Variants in SLC4A1AP observed in about 807,000 individuals in gnomAD.
SLC4A1AP encodes the protein kanadaptin.
Under a neutral mutation model 89.7 loss-of-function variants are expected in SLC4A1AP, and 64 were observed. That is an observed-to-expected ratio of 0.71 (90% CI 0.58 to 0.88). The LOEUF (loss-of-function observed/expected upper bound fraction) is 0.88, where lower values mean the gene tolerates loss of function less well. SLC4A1AP is among the 40% of genes least tolerant of loss of function. The probability of loss-of-function intolerance (pLI) is 0.00; values close to 1 mark genes in which losing one functional copy is unlikely to be tolerated. For synonymous variants in SLC4A1AP, 366 were observed against 353.3 expected (o/e 1.04, Z -0.40); for missense variants, 931 against 965.0 (o/e 0.96, Z 0.47).
chr2:27,693,846 A>G, intron 13 of SLC4A1AP, 92 bp downstream of exon 13: 2 of 958,730 alleles, frequency 2.1e-6, no homozygotes, highest in South Asian at 1.7e-5. Context: ...TAAGAAAGTT[A>G]CAAGAGTATG....
At chr2:27,683,860 C>T (rs908651100) in intron 9 of SLC4A1AP, among the ~76,000 whole-genome samples, 1 of 152,030 alleles carries the variant, frequency 6.6e-6, no homozygotes, top group Admixed American at 6.6e-5. Flanking sequence ...CTCAGCTTCC[C>T]GAGTAGCTGG....
chr2:27,669,174 A>T (rs1421304386), intron 4 of SLC4A1AP, 74 bp from the exon 5 acceptor site: 2 of 1,468,724 alleles, frequency 1.4e-6, no homozygotes, highest in Non-Finnish European at 1.8e-6. Context: ...AATGACTATT[A>T]TCATAGCATA....
At chr2:27,675,792 T>A in intron 6 of SLC4A1AP, 100 bp downstream of exon 6, 1 of 807,868 alleles carries the variant, frequency 1.2e-6, no homozygotes, top group Non-Finnish European at 1.7e-6. Context: ...TTTAAAGTAG[T>A]AGCATTGAAA....
chr2:27,685,294 C>T lies in SLC4A1AP; in HGVS notation c.2116+17C>T, dbSNP rs1315267124. 1.3e-6 allele frequency: 2 copies of T among 1,598,304 alleles called. No homozygotes were observed. On this transcript the variant is annotated intron_variant, in intron 10 of 13. Transcript: ENST00000613058. ...AAACCCATGGTAATATCTTTCTTCTCCTTCCTGTGTTGTTCAGTGGGCAGT... is the reference window on the plus strand; with the variant it reads ...AAACCCATGGTAATATCTTTCTTCTTCTTCCTGTGTTGTTCAGTGGGCAGT...
chr2:27,681,163 C>T (rs568440550), intron 8 of SLC4A1AP, among the ~76,000 whole-genome samples: 1 of 152,294 alleles, frequency 6.6e-6, no homozygotes, highest in South Asian at 2.1e-4. Context: ...TTCTGTCTTT[C>T]TATGCCAGAG....
chr2:27,682,095 T>G (rs1240159046), intron 8 of SLC4A1AP, among the ~76,000 whole-genome samples, 153 bp from the exon 9 acceptor site: 1 of 152,234 alleles, frequency 6.6e-6, no homozygotes, highest in Admixed American at 6.5e-5. Context: ...AATCTGTTGG[T>G]CTGAATACCT....
At chr2:27,674,713 A>G (rs367730777) in intron 5 of SLC4A1AP, among the ~76,000 whole-genome samples, 2 of 118,100 alleles carry the variant, frequency 1.7e-5, no homozygotes, top group East Asian at 4.8e-4. Flanking sequence ...TTCCTCATTG[A>G]TTTTTTTTTT....
At chr2:27,676,250 GTACAA>G (rs1412942265) in intron 6 of SLC4A1AP, among the ~76,000 whole-genome samples, 1 of 152,196 alleles carries the variant, frequency 6.6e-6, no homozygotes, top group African/African-American at 2.4e-5. Flanking sequence ...TGGTGGGAAT[GTACAA>G]TACAACCTTT....
At chr2:27,676,927 T>A (rs1572992492) in intron 6 of SLC4A1AP, among the ~76,000 whole-genome samples, 1 of 151,286 alleles carries the variant, frequency 6.6e-6, no homozygotes, top group East Asian at 1.9e-4. Flanking sequence ...GATCATGAGG[T>A]CAGGAGATTG....
intron 6 of SLC4A1AP, 75 bp downstream of exon 6, chr2:27,675,767 T>C (rs1385702280): frequency 1.0e-6 from 1 of 978,124 alleles, no homozygotes; most frequent in South Asian, 3.4e-5. Flanking sequence ...TATTTAAATA[T>C]GTTTTATGAT....
exon 2 of SLC4A1AP, chr2:27,665,239 A>T: frequency 6.2e-7 from 1 of 1,613,114 alleles, no homozygotes; most frequent in Non-Finnish European, 8.5e-7. Flanking sequence ...GATACCTCTG[A>T]AAGGAAGATA....
At chr2:27,664,467 A>G in exon 1 of SLC4A1AP, 1 of 1,614,164 alleles carries the variant, frequency 6.2e-7, no homozygotes, top group Non-Finnish European at 8.5e-7. Context: ...TCTGGGAAGC[A>G]CCCATGGCAC....
exon 1 of SLC4A1AP, chr2:27,664,145 A>G (rs760888726): frequency 1.2e-5 from 20 of 1,614,004 alleles, no homozygotes; most frequent in Non-Finnish European, 1.5e-5. Flanking sequence ...TTAGGAGTCT[A>G]CAGGAGGAGC....
intron 3 of SLC4A1AP, 38 bp downstream of exon 3, chr2:27,667,428 T>C: frequency 1.3e-6 from 2 of 1,575,782 alleles, no homozygotes; most frequent in African/African-American, 2.7e-5. Flanking sequence ...CTAAAACATA[T>C]CCAGAGCAGT....
exon 6 of SLC4A1AP, chr2:27,675,551 C>T: frequency 6.3e-7 from 1 of 1,589,488 alleles, no homozygotes; most frequent in Non-Finnish European, 8.6e-7. Flanking sequence ...AAAGGAAAGC[C>T]AAGAACTGGG....
intron 10 of SLC4A1AP, among the ~76,000 whole-genome samples, chr2:27,687,614 G>A (rs530659093): frequency 4.4e-4 from 67 of 152,106 alleles, no homozygotes; most frequent in Middle Eastern, 6.8e-3. Context: ...AATTTTGGTG[G>A]TCATCTCTGA....
chr2:27,688,077 A>G (rs1675733000), intron 11 of SLC4A1AP, 57 bp downstream of exon 11: 9 of 1,437,272 alleles, frequency 6.3e-6, no homozygotes, highest in Admixed American at 5.2e-5. Flanking sequence ...GACTGGTTTC[A>G]TAAGGGAGGG....
chr2:27,680,765 AAAAC>A (rs1246401886), intron 8 of SLC4A1AP, among the ~76,000 whole-genome samples: 2 of 151,326 alleles, frequency 1.3e-5, no homozygotes, highest in Non-Finnish European at 2.9e-5. Context: ...AAACAAAACA[AAAAC>A]AAATCTCTGC....
chr2:27,664,445 C>T lies in SLC4A1AP; in HGVS notation c.693C>T (p.Phe231=), dbSNP rs770693592. 3.7e-6 allele frequency: 6 copies of T among 1,614,238 alleles called. No individual in the cohort carries two copies. The Admixed American group carries it at 5.0e-5, about 13-fold the overall frequency. The change falls in exon 1 of 14, where the codon TTC becomes TTT. Residue 231 remains phenylalanine (F), a synonymous_variant. Coordinates refer to ENST00000613058, the Ensembl canonical transcript of SLC4A1AP. ...AATGCGACAGCAACGGGCCGGGCTT[C>T]TACCTCTACGATCTGGGAAGCACCC...
Sources: allele counts gnomAD v4.1 joint callset (sites outside exome capture counted in the v4.1 genomes callset), GRCh38; gene constraint gnomAD v4.1.1; transcripts MANE v1.5; gene names NCBI Gene and HGNC (gene_info 2026-07-23, HGNC 2026-07-21).